ITGA4: variants seen among roughly 807,000 people sequenced by gnomAD.
ITGA4 encodes the protein integrin alpha-4.
Under a neutral mutation model 133.6 loss-of-function variants are expected in ITGA4, and 63 were observed. That is an observed-to-expected ratio of 0.47 (90% CI 0.38 to 0.58). The LOEUF (loss-of-function observed/expected upper bound fraction) is 0.58, where lower values mean the gene tolerates loss of function less well. ITGA4 is among the 20% of genes least tolerant of loss of function. ITGA4 has a pLI of 0.00. For missense variants in ITGA4, 1,076 were observed against 1,252.7 expected (o/e 0.86, Z 2.13); for synonymous variants, 483 against 438.0 (o/e 1.10, Z -1.28).
intron 14 of ITGA4, among the ~76,000 whole-genome samples, chr2:181,498,097 C>A (rs900277738): frequency 1.3e-5 from 2 of 151,520 alleles, no homozygotes; most frequent in South Asian, 4.2e-4. Context: ...TTAAGAAAAC[C>A]GTATATATAG....
intron 11 of ITGA4, among the ~76,000 whole-genome samples, chr2:181,494,462 A>C (rs1686119894): frequency 6.6e-6 from 1 of 152,194 alleles, no homozygotes; most frequent in Admixed American, 6.5e-5. Context: ...GAGAGGGAGT[A>C]AAGACTATTT....
At position 181,495,304 on chromosome 2, in the gene ITGA4, T is replaced by C; in HGVS notation, c.1340-67T>C. On this transcript the variant is annotated intron_variant, in intron 12 of 27. Transcript: ENST00000397033. This position sits in a 1 kb window ranked among gnomAD's most constrained non-coding sequence, Gnocchi z 4.3. Reference sequence around the variant, plus strand: ...CAAAGGTGATACGTAGTTAAGTATTTATGGCTGAAAAATAATTCTCTTTGA... The same window carrying C: ...CAAAGGTGATACGTAGTTAAGTATTCATGGCTGAAAAATAATTCTCTTTGA... The C allele has an allele frequency of 8.2e-7, 1 of 1,224,744 alleles. No individual in the cohort carries two copies. The highest frequency in any genetic ancestry group is 1.5e-5 in the African/African-American group (1 of 67,324). The allele number at this position is 1,224,744 out of a possible 1,614,324, so 75.9% of individuals were successfully genotyped here.
chr2:181,496,397 C>A (rs1352476169), intron 14 of ITGA4, among the ~76,000 whole-genome samples: 1 of 152,006 alleles, frequency 6.6e-6, no homozygotes, highest in Non-Finnish European at 1.5e-5. Context: ...TGCATTCCAG[C>A]CCGGGCAATG....
chr2:181,487,913 T>C (rs896028339), intron 10 of ITGA4, among the ~76,000 whole-genome samples: 1 of 152,134 alleles, frequency 6.6e-6, no homozygotes, highest in Non-Finnish European at 1.5e-5. Context: ...ATTTGTCATG[T>C]GTGTTGTATG....
In ITGA4 at chr2:181,485,988, T is replaced by C; in HGVS notation, c.1149T>C (p.Phe383=). The C allele has an allele frequency of 1.3e-6, 2 of 1,579,338 alleles. No individual in the cohort carries two copies. Among genetic ancestry groups the C allele is most frequent in the Non-Finnish European group, 1.7e-6 (2 of 1,169,162 alleles). The change falls in exon 10 of 28, where the codon TTT becomes TTC. Residue 383 remains phenylalanine, a synonymous_variant. Transcript: ENST00000397033. ...VNLGDIDNDG[F]EDVAIGAPQE... is the part of the protein sequence containing the mutation. ...TTGGCGACATTGACAATGATGGCTT[T>C]GAAGGTAATTAAAATTATCAAATTG...
intron 10 of ITGA4, among the ~76,000 whole-genome samples, chr2:181,492,609 A>G (rs1438471706): frequency 2.6e-5 from 4 of 152,146 alleles, no homozygotes; most frequent in African/African-American, 9.7e-5. Context: ...CAACCATGTC[A>G]TTTACTCAGG....
At chr2:181,514,181 G>C (rs1208076428) in intron 17 of ITGA4, among the ~76,000 whole-genome samples, 1 of 152,102 alleles carries the variant, frequency 6.6e-6, no homozygotes, top group Non-Finnish European at 1.5e-5. Flanking sequence ...CTCATGGATG[G>C]CTAGGATAAA....
rs1345023720 is a variant in ITGA4, at chr2:181,535,448, GACAAT to G, written c.3025_3029del (p.Tyr1009IlefsTer18). On this transcript the variant is annotated frameshift_variant, in exon 28 of 28. Transcript: ENST00000397033. LOFTEE classifies it high-confidence loss of function. ...TATTTTCAGGCTGGCTTCTTTAAAA[GACAAT>G]ACAAATCTATCCTACAAGAAGAAAA... 6.2e-7 allele frequency: 1 copy of G among 1,607,324 alleles called. No individual in the cohort carries two copies. Among genetic ancestry groups the G allele is most frequent in the African/African-American group, 1.3e-5 (1 of 74,506 alleles).
chr2:181,480,311 T>C, intron 6 of ITGA4, 45 bp downstream of exon 6: 1 of 1,022,310 alleles, frequency 9.8e-7, no homozygotes, highest in East Asian at 2.7e-5. Flanking sequence ...GCCTTACAAA[T>C]ACTAGTACTG....
At position 181,463,265 on chromosome 2, in the gene ITGA4, C is replaced by T. The variant is rs115492164; in HGVS notation, c.319+4948C>T. Reference sequence around the variant, plus strand: ...AGGTTAGAGAGGCAGGCAGGAATTACTTCTGATACAACTCTAAGTATGAAT... The same window carrying T: ...AGGTTAGAGAGGCAGGCAGGAATTATTTCTGATACAACTCTAAGTATGAAT... On this transcript the variant is annotated intron_variant, in intron 2 of 27. Transcript: ENST00000397033. Among the ~76,000 whole-genome samples the T allele has an allele frequency of 6.0e-3, 912 of 152,208 alleles. 10 individuals carry two copies. The highest frequency in any genetic ancestry group is 0.021 in the African/African-American group (854 of 41,528).
In ITGA4 at chr2:181,524,214, C is replaced by T. The variant is rs200652091; in HGVS notation, c.2213C>T (p.Ala738Val). ...FLLDVSSLSR[A>V]EEDLSITVHA... ...CTGGATGTGAGCTCACTCAGCAGAG[C>T]GGAAGAGGACCTCAGTATCACAGTG... Residue 738 changes from alanine to valine, a missense_variant, in exon 20 of 28, where the codon GCG becomes GTG. Transcript: ENST00000397033. The T allele has an allele frequency of 9.9e-5, 159 of 1,600,524 alleles. No homozygotes were observed. Among genetic ancestry groups the T allele is most frequent in the Middle Eastern group, 5.0e-4 (3 of 6,058 alleles).
intron 4 of ITGA4, chr2:181,476,130 C>CATAT (rs1273211452): frequency 3.8e-6 from 1 of 262,860 alleles, no homozygotes; most frequent in Non-Finnish European, 7.1e-6. Context: ...GCTTATATTA[C>CATAT]ATATATTCCT....
At chr2:181,463,037 T>TAAAGA (rs1219863700) in intron 2 of ITGA4, among the ~76,000 whole-genome samples, 1 of 152,104 alleles carries the variant, frequency 6.6e-6, no homozygotes, top group East Asian at 1.9e-4. Context: ...GGTAAGACAA[T>TAAAGA]AAAGTGATGC....
intron 11 of ITGA4, 27 bp downstream of exon 11, chr2:181,493,446 A>G (rs751247672): frequency 1.4e-6 from 2 of 1,426,424 alleles, no homozygotes; most frequent in Admixed American, 3.7e-5. Context: ...TTTCCAAAAG[A>G]AGCATTGGTT....
At chr2:181,504,826 G>T (rs983377557) in intron 15 of ITGA4, among the ~76,000 whole-genome samples, 1 of 151,974 alleles carries the variant, frequency 6.6e-6, no homozygotes, top group Admixed American at 6.6e-5. Context: ...TTGGTATAAT[G>T]GTTAGGGCAT....
intron 10 of ITGA4, among the ~76,000 whole-genome samples, chr2:181,487,114 TGAAA>T (rs1177895023): frequency 2.0e-5 from 3 of 152,142 alleles, no homozygotes; most frequent in Non-Finnish European, 4.4e-5. Flanking sequence ...ATTTTAAAAC[TGAAA>T]GAAAAAAATA....
chr2:181,493,490 G>A, intron 11 of ITGA4, 71 bp downstream of exon 11: 1 of 864,572 alleles, frequency 1.2e-6, no homozygotes. Context: ...CAGGGTTTAT[G>A]TGGACTTATT....
intron 9 of ITGA4, among the ~76,000 whole-genome samples, 184 bp from the exon 10 acceptor site, chr2:181,485,697 A>T (rs1487240922): frequency 1.3e-5 from 2 of 152,196 alleles, no homozygotes; most frequent in Non-Finnish European, 2.9e-5. Context: ...TCATACTATT[A>T]TGTGTTGACA....
At chr2:181,506,003 C>T (rs114812388) in intron 15 of ITGA4, among the ~76,000 whole-genome samples, 2,257 of 152,132 alleles carry the variant, frequency 0.015, 66 homozygotes, top group African/African-American at 0.052. Flanking sequence ...TTGCAGCATT[C>T]CTATACGGTC....
Sources: allele counts gnomAD v4.1 joint callset (sites outside exome capture counted in the v4.1 genomes callset), GRCh38; gene constraint gnomAD v4.1.1; non-coding constraint Gnocchi (gnomAD v3.1); transcripts MANE v1.5; gene names NCBI Gene and HGNC (gene_info 2026-07-23, HGNC 2026-07-21).